Variants in TYW1B observed in about 807,000 individuals in gnomAD.
The protein encoded by TYW1B is tRNA-yW synthesizing protein 1 homolog B.
Under a neutral mutation model 86.9 loss-of-function variants are expected in TYW1B, and 73 were observed. The ratio of observed to expected loss-of-function variants is 0.84; its 90% CI spans 0.70 to 1.02. The LOEUF is 1.02. TYW1B is among the 50% of genes least tolerant of loss of function. TYW1B has a pLI of 0.00. For synonymous variants in TYW1B, 248 were observed against 292.8 expected (o/e 0.85, Z 1.56); for missense variants, 637 against 827.4 (o/e 0.77, Z 2.82).
chr7:72,780,420 C>T (rs1305381747), intron 6 of TYW1B, among the ~76,000 whole-genome samples: 1 of 152,132 alleles, frequency 6.6e-6, no homozygotes, highest in Non-Finnish European at 1.5e-5. Context: ...GCAGTATTTG[C>T]CCTCAAAAGC....
chr7:72,741,700 C>T (rs1787307612), intron 8 of TYW1B, among the ~76,000 whole-genome samples: 2 of 152,102 alleles, frequency 1.3e-5, no homozygotes, highest in Admixed American at 1.3e-4. Context: ...AATCAAACTG[C>T]TGGAAGAATA....
intron 7 of TYW1B, among the ~76,000 whole-genome samples, chr7:72,766,086 A>G (rs1554468281): frequency 6.6e-6 from 1 of 152,190 alleles, no homozygotes; most frequent in Admixed American, 6.5e-5. Context: ...TAAATAAGAA[A>G]ATGTCTGCGT....
chr7:72,806,236 GGT>G (rs1788492202), intron 5 of TYW1B, among the ~76,000 whole-genome samples: 3 of 93,070 alleles, frequency 3.2e-5, no homozygotes, highest in Non-Finnish European at 4.3e-5. Flanking sequence ...TGTGTGTGTG[GGT>G]TTTTTTTTTT....
chr7:72,642,133 A>G (rs1226655205), intron 11 of TYW1B, among the ~76,000 whole-genome samples: 2 of 152,220 alleles, frequency 1.3e-5, no homozygotes, highest in African/African-American at 4.8e-5. Flanking sequence ...GGGAAAAAAT[A>G]GTCTTTTCAA....
intron 11 of TYW1B, among the ~76,000 whole-genome samples, chr7:72,661,790 T>C (rs1180876850): frequency 2.6e-5 from 4 of 152,112 alleles, no homozygotes; most frequent in Non-Finnish European, 4.4e-5. Flanking sequence ...GTATTCAAAC[T>C]GCACCTCCAC....
chr7:72,655,507 C>T (rs1424544160), intron 11 of TYW1B, among the ~76,000 whole-genome samples: 1 of 152,098 alleles, frequency 6.6e-6, no homozygotes, highest in Non-Finnish European at 1.5e-5. Context: ...CTGGCATCCC[C>T]CATGTTCTTC....
At chr7:72,602,097 A>G (rs1276701321) in intron 13 of TYW1B, among the ~76,000 whole-genome samples, 2 of 152,230 alleles carry the variant, frequency 1.3e-5, no homozygotes, top group Non-Finnish European at 2.9e-5. Flanking sequence ...GAAGACTGAT[A>G]AGATAATGGA....
chr7:72,634,569 T>C (rs530774796), intron 11 of TYW1B, among the ~76,000 whole-genome samples: 27 of 150,402 alleles, frequency 1.8e-4, no homozygotes, highest in Non-Finnish European at 3.1e-4. Flanking sequence ...GGGGGATATG[T>C]ATACATTCGA....
At chr7:72,789,562 C>G (rs1788184814) in intron 6 of TYW1B, among the ~76,000 whole-genome samples, 1 of 152,126 alleles carries the variant, frequency 6.6e-6, no homozygotes, top group Admixed American at 6.6e-5. Flanking sequence ...AATGCTAAAA[C>G]AAGAGAAAGA....
At chr7:72,799,270 T>G (rs1788362903) in intron 6 of TYW1B, among the ~76,000 whole-genome samples, 1 of 149,630 alleles carries the variant, frequency 6.7e-6, no homozygotes, top group African/African-American at 2.5e-5. Context: ...AAGATTCTCG[T>G]GCCTCAGCCT....
At chr7:72,824,331 T>C (rs1554481080) in intron 2 of TYW1B, among the ~76,000 whole-genome samples, 1 of 152,230 alleles carries the variant, frequency 6.6e-6, no homozygotes, top group East Asian at 1.9e-4. Context: ...CTAGGCCTGG[T>C]GGCTCATGCC....
intron 12 of TYW1B, among the ~76,000 whole-genome samples, chr7:72,622,736 C>T (rs1419289157): frequency 6.6e-6 from 1 of 151,222 alleles, no homozygotes; most frequent in African/African-American, 2.4e-5. Context: ...TACATGCACA[C>T]ATACAACACA....
chr7:72,628,116 A>C (rs1812395076), intron 12 of TYW1B, among the ~76,000 whole-genome samples: 1 of 151,874 alleles, frequency 6.6e-6, no homozygotes, highest in Admixed American at 6.6e-5. Context: ...AAACAGTGAG[A>C]CCTTCTCTCT....
Position 72,807,274 on chromosome 7 carries a change from A to G in TYW1B, c.515T>C (p.Val172Ala). The G allele has an allele frequency of 6.2e-7, 1 of 1,614,144 alleles. No individual in the cohort carries two copies. Among genetic ancestry groups the G allele is most frequent in the East Asian group, 2.2e-5 (1 of 44,882 alleles). ...MSRGEGDCDVVKSKHGSIEAN... is the reference protein window; with the variant it reads ...MSRGEGDCDVAKSKHGSIEAN... ...CTCAATGCTGCCGTGCTTGCTTTTAACCACGTCGCAGTCGCCCTCCCCTCG... is the reference window on the plus strand; with the variant it reads ...CTCAATGCTGCCGTGCTTGCTTTTAGCCACGTCGCAGTCGCCCTCCCCTCG... The change falls in exon 5 of 14, where the codon GTT (valine) becomes GCT (alanine). Residue 172 changes from valine (V) to alanine (A), a missense_variant. Coordinates refer to ENST00000620995, the MANE Select transcript of TYW1B (RefSeq NM_001145440.3).
At chr7:72,580,208 C>T (rs868908950) in intron 13 of TYW1B, among the ~76,000 whole-genome samples, 5 of 152,110 alleles carry the variant, frequency 3.3e-5, no homozygotes, top group African/African-American at 1.2e-4. Context: ...TCAGGGCAAT[C>T]GGAGACGAAT....
At chr7:72,609,276 A>G (rs1414966970) in intron 13 of TYW1B, among the ~76,000 whole-genome samples, 1 of 152,060 alleles carries the variant, frequency 6.6e-6, no homozygotes, top group Non-Finnish European at 1.5e-5. Context: ...GTAGAAATTG[A>G]GGCTGGGCAC....
intron 8 of TYW1B, among the ~76,000 whole-genome samples, chr7:72,738,770 G>A (rs1209663569): frequency 6.6e-6 from 1 of 152,074 alleles, no homozygotes; most frequent in East Asian, 1.9e-4. Context: ...ATAACTAAAA[G>A]AGGAAATACA....
chr7:72,741,110 T>C (rs541753918), intron 8 of TYW1B, among the ~76,000 whole-genome samples: 7 of 152,152 alleles, frequency 4.6e-5, no homozygotes, highest in Non-Finnish European at 7.4e-5. Context: ...CCAGCATGTA[T>C]TAGCAAAAAC....
intron 7 of TYW1B, among the ~76,000 whole-genome samples, chr7:72,752,303 C>T (rs1015837562): frequency 4.1e-5 from 2 of 48,772 alleles, no homozygotes; most frequent in Admixed American, 2.6e-4. Context: ...TCAGTGGTTT[C>T]CAGGAAGGAA....
Sources: gnomAD v4.1 joint callset for allele counts (sites outside exome capture counted in the v4.1 genomes callset) on GRCh38, gnomAD v4.1.1 for gene constraint, MANE v1.5 for transcripts, NCBI Gene and HGNC (gene_info 2026-07-23, HGNC 2026-07-21) for gene names.